Variants in TUBGCP3 observed in about 807,000 individuals in gnomAD.
TUBGCP3 encodes gamma-tubulin complex component 3.
A neutral mutation model predicts 123.1 loss-of-function variants in TUBGCP3; 50 were observed. That is an observed-to-expected ratio of 0.41 (90% confidence interval 0.32 to 0.51). The LOEUF (loss-of-function observed/expected upper bound fraction) is 0.51. Ranked by LOEUF, TUBGCP3 falls within the 20% of genes least tolerant of loss-of-function variation. The pLI, the probability that TUBGCP3 is intolerant of heterozygous loss-of-function variation, is 0.36. For synonymous variants in TUBGCP3, 405 were observed against 413.9 expected, an observed-to-expected ratio of 0.98 and a Z score of 0.26; for missense variants, 882 against 1,127.0, an observed-to-expected ratio of 0.78 and a Z score of 3.11.
chr13:112,557,543 A>C (rs1042221321), intron 5 of TUBGCP3, among the ~76,000 whole-genome samples: 1 of 152,242 alleles, frequency 6.6e-6, no homozygotes, highest in South Asian at 2.1e-4. Context: ...CAAAAAGCAA[A>C]GCCACCCGTT....
intron 8 of TUBGCP3, among the ~76,000 whole-genome samples, chr13:112,548,422 A>G (rs1412245566): frequency 6.6e-6 from 1 of 152,204 alleles, no homozygotes; most frequent in African/African-American, 2.4e-5. Context: ...AAAAATATAT[A>G]TGGTATAGTT....
chr13:112,570,706 T>C (rs755882245), intron 1 of TUBGCP3, among the ~76,000 whole-genome samples: 4 of 152,216 alleles, frequency 2.6e-5, no homozygotes, highest in Non-Finnish European at 4.4e-5. Flanking sequence ...ACCACATCGA[T>C]TGACCCTTCC....
intron 6 of TUBGCP3, 147 bp downstream of exon 6, chr13:112,555,905 C>T (rs1020363623): frequency 6.7e-6 from 6 of 898,058 alleles, no homozygotes; most frequent in Non-Finnish European, 9.5e-6. Context: ...GCGCCGCAGA[C>T]CACCAGGGAC....
At chr13:112,494,541 G>A (rs1230531508) in intron 20 of TUBGCP3, among the ~76,000 whole-genome samples, 1 of 152,192 alleles carries the variant, frequency 6.6e-6, no homozygotes, top group East Asian at 1.9e-4. Context: ...TGGGCTTCTG[G>A]ACCTTACCCT....
chr13:112,547,339 T>C (rs1321618755), intron 10 of TUBGCP3: 6 of 423,962 alleles, frequency 1.4e-5, no homozygotes, highest in African/African-American at 1.2e-4. Flanking sequence ...TTCTACCATA[T>C]AAATACTGGG....
In TUBGCP3 at chr13:112,508,874, A is replaced by C; in HGVS notation, c.2087-4160T>G. Among the ~76,000 whole-genome samples the C allele has an allele frequency of 6.6e-6, 1 of 152,012 alleles. No individual in the cohort carries two copies. Among genetic ancestry groups the C allele is most frequent in the African/African-American group, 2.4e-5 (1 of 41,370 alleles). On this transcript the variant is annotated intron_variant, in intron 17 of 21. Coordinates refer to ENST00000261965, the MANE Select transcript of TUBGCP3 (RefSeq NM_006322.6). This position sits in a 1 kb window ranked among gnomAD's most constrained non-coding sequence, Gnocchi z 4.2. ...CTGGTCCTGCTGGCGCCACAGCCCA[A>C]GCCTCCCTCAAATCCATTCCCTTCC... is the stretch of plus-strand genomic sequence containing the variant.
intron 8 of TUBGCP3, among the ~76,000 whole-genome samples, chr13:112,550,204 GTTCT>G (rs1387009645): frequency 6.6e-6 from 1 of 151,906 alleles, no homozygotes; most frequent in Non-Finnish European, 1.5e-5. Flanking sequence ...ATAAACCTGT[GTTCT>G]TTCTCATTCA....
chr13:112,557,225 G>A (rs1880117923), intron 5 of TUBGCP3, among the ~76,000 whole-genome samples: 1 of 152,180 alleles, frequency 6.6e-6, no homozygotes, highest in African/African-American at 2.4e-5. Flanking sequence ...GTATAAATGA[G>A]AATGTCAATT....
chr13:112,564,492 G>A (rs1356386677), intron 3 of TUBGCP3, among the ~76,000 whole-genome samples: 1 of 152,168 alleles, frequency 6.6e-6, no homozygotes, highest in Non-Finnish European at 1.5e-5. Context: ...TTCAATTAAT[G>A]TATTGGTATA....
the TUBGCP3 span, among the ~76,000 whole-genome samples, chr13:112,593,606 G>A: frequency 0.011 from 1,628 of 152,168 alleles, 21 homozygotes; most frequent in East Asian, 0.035. Context: ...CTAGTAGGCG[G>A]AGATTGCAGT....
At chr13:112,591,319 A>G (rs915024622), upstream of TUBGCP3, among the ~76,000 whole-genome samples, 8 of 152,266 alleles carry the variant, frequency 5.3e-5, no homozygotes, top group Non-Finnish European at 5.9e-5. Context: ...GGATGAGAAG[A>G]AAACAACATG....
At chr13:112,584,203 A>T (rs1247633977) in intron 1 of TUBGCP3, 1 of 152,120 alleles carries the variant, frequency 6.6e-6, no homozygotes, top group African/African-American at 2.4e-5. Context: ...TGGTTCTCAA[A>T]CTCTTTGGTC....
chr13:112,600,266 T>C, the TUBGCP3 span, among the ~76,000 whole-genome samples: 1 of 152,184 alleles, frequency 6.6e-6, no homozygotes, highest in African/African-American at 2.4e-5. Context: ...CTTGATATTA[T>C]AGGGGAAAAA....
At chr13:112,527,121 G>GT (rs1353511461) in intron 12 of TUBGCP3, 71 bp from the exon 13 acceptor site, 1 of 1,319,664 alleles carries the variant, frequency 7.6e-7, no homozygotes, top group African/African-American at 1.5e-5. Context: ...ACAAATATTC[G>GT]TAAGCTACAA....
upstream of TUBGCP3, among the ~76,000 whole-genome samples, chr13:112,589,241 G>A (rs1201231325): frequency 6.6e-6 from 1 of 152,194 alleles, no homozygotes; most frequent in Non-Finnish European, 1.5e-5. Flanking sequence ...ATACTACAAT[G>A]TCCAGATGTC....
intron 20 of TUBGCP3, among the ~76,000 whole-genome samples, chr13:112,491,831 C>G (rs1880121631): frequency 6.6e-6 from 1 of 152,214 alleles, no homozygotes; most frequent in African/African-American, 2.4e-5. Context: ...ACCTTCAGCC[C>G]TCAGCTACAA....
intron 10 of TUBGCP3, chr13:112,546,772 C>T (rs966651707): frequency 3.3e-5 from 5 of 152,278 alleles, no homozygotes; most frequent in East Asian, 1.9e-4. Flanking sequence ...CTGGAGAAAA[C>T]GCTGGCGTTT....
intron 20 of TUBGCP3, among the ~76,000 whole-genome samples, chr13:112,498,510 T>C (rs970595447): frequency 2.0e-5 from 3 of 152,348 alleles, no homozygotes; most frequent in Non-Finnish European, 1.5e-5. Flanking sequence ...TGTGACGTCA[T>C]GTCAGTGATG....
chr13:112,579,503 C>A (rs182395171), intron 1 of TUBGCP3, among the ~76,000 whole-genome samples: 1 of 147,250 alleles, frequency 6.8e-6, no homozygotes, highest in East Asian at 2.0e-4. Context: ...TCGCACACTG[C>A]TGAGTGTCAG....
Sources: gnomAD v4.1 joint callset for allele counts (sites outside exome capture counted in the v4.1 genomes callset) on GRCh38, gnomAD v4.1.1 for gene constraint, Gnocchi (gnomAD v3.1) non-coding constraint, MANE v1.5 for transcripts, NCBI Gene and HGNC (gene_info 2026-07-23, HGNC 2026-07-21) for gene names.